The following NCOA2 variants were observed in gnomAD, a reference collection of about 807,000 sequenced individuals.
The protein encoded by NCOA2 is class E basic helix-loop-helix protein 75.
In NCOA2, 21 loss-of-function variants were observed where a neutral mutation model predicts 145.1. That is an observed-to-expected ratio of 0.14 (90% CI 0.10 to 0.21). The LOEUF (loss-of-function observed/expected upper bound fraction) is 0.21. Ranked by LOEUF, NCOA2 falls within the 10% of genes least tolerant of loss-of-function variation. The probability of loss-of-function intolerance (pLI) is 1.00; values close to 1 mark genes in which losing one functional copy is unlikely to be tolerated. For missense variants in NCOA2, 1,472 were observed against 1,837.6 expected (o/e 0.80, Z 3.64); for synonymous variants, 619 against 637.5 (o/e 0.97, Z 0.44).
At chr8:70,302,357 T>C (rs959079820) in intron 1 of NCOA2, among the ~76,000 whole-genome samples, 1 of 152,146 alleles carries the variant, frequency 6.6e-6, no homozygotes, top group Non-Finnish European at 1.5e-5. Flanking sequence ...AGAAGAATAA[T>C]TTATAAATTG....
intron 1 of NCOA2, among the ~76,000 whole-genome samples, chr8:70,309,176 T>C (rs1828113199): frequency 6.6e-6 from 1 of 152,142 alleles, no homozygotes; most frequent in Non-Finnish European, 1.5e-5. Context: ...CCATCTATTA[T>C]AGCCCCTGAC....
chr8:70,117,606 T>G (rs1807295288), intron 22 of NCOA2, among the ~76,000 whole-genome samples: 1 of 152,264 alleles, frequency 6.6e-6, no homozygotes, highest in Admixed American at 6.5e-5. Context: ...TTCTCCAATG[T>G]TACCTGCATA....
the NCOA2 span, among the ~76,000 whole-genome samples, chr8:70,428,533 AG>A: frequency 7.2e-5 from 11 of 152,132 alleles, no homozygotes; most frequent in African/African-American, 2.7e-4. Flanking sequence ...CTGAGGCAGG[AG>A]GATTGCTGGA....
At chr8:70,137,382 A>T (rs1035120736) in intron 15 of NCOA2, among the ~76,000 whole-genome samples, 3 of 152,214 alleles carry the variant, frequency 2.0e-5, no homozygotes, top group Admixed American at 6.5e-5. Context: ...TGTTTGGGCA[A>T]CACTAAAAAT....
Position 70,166,322 on chromosome 8 carries a change from C to T in NCOA2, c.730+244G>A, listed in dbSNP as rs7821802. ...CTACTGACATTTCAAGGCTCACCAG[C>T]CACACATGGCTAGTGGCTGCCACAC... On this transcript the variant is annotated intron_variant, in intron 7 of 22. Coordinates refer to ENST00000452400, the MANE Select transcript of NCOA2 (RefSeq NM_006540.4). Among the ~76,000 whole-genome samples, 601 of 152,334 alleles carry T rather than the reference C, an allele frequency of 3.9e-3. 4 individuals are homozygous for T. Among genetic ancestry groups the T allele is most frequent in the African/African-American group, 0.014 (579 of 41,582 alleles).
intron 1 of NCOA2, among the ~76,000 whole-genome samples, chr8:70,371,685 T>G (rs543350774): frequency 2.0e-5 from 3 of 152,044 alleles, no homozygotes; most frequent in African/African-American, 4.8e-5. Flanking sequence ...TGTTGTTGTT[T>G]AACCACATAA....
At chr8:70,159,222 T>TATATATATATATGTATGTGTG (rs1812619153) in intron 10 of NCOA2, among the ~76,000 whole-genome samples, 2 of 44,488 alleles carry the variant, frequency 4.5e-5, no homozygotes, top group African/African-American at 1.3e-4. Flanking sequence ...CAGTATAACA[T>TATATATATATATGTATGTGTG]TATATATATA....
intron 1 of NCOA2, among the ~76,000 whole-genome samples, chr8:70,315,239 A>T (rs1324613839): frequency 6.6e-6 from 1 of 152,176 alleles, no homozygotes; most frequent in African/African-American, 2.4e-5. Context: ...TCTAAGAAAA[A>T]GAAAGAATTG....
chr8:70,133,113 C>G (rs1809337662), intron 15 of NCOA2, among the ~76,000 whole-genome samples: 1 of 150,652 alleles, frequency 6.6e-6, no homozygotes, highest in African/African-American at 2.4e-5. Context: ...GTGATGCCAT[C>G]ATGGCTCACT....
intron 2 of NCOA2, among the ~76,000 whole-genome samples, chr8:70,220,552 C>T (rs1011739370): frequency 6.6e-6 from 1 of 152,128 alleles, no homozygotes; most frequent in African/African-American, 2.4e-5. Context: ...TATAGCCTTA[C>T]GATTAGTAAG....
intron 19 of NCOA2, 52 bp downstream of exon 19, chr8:70,126,761 G>T (rs1280845457): frequency 2.8e-6 from 4 of 1,453,518 alleles, no homozygotes; most frequent in South Asian, 2.3e-5. Context: ...AACACTGGGG[G>T]ACACTGGGGA....
At chr8:70,115,985 G>C (rs1434000693) in intron 22 of NCOA2, among the ~76,000 whole-genome samples, 1 of 151,630 alleles carries the variant, frequency 6.6e-6, no homozygotes, top group Non-Finnish European at 1.5e-5. Context: ...AGGAGATCGA[G>C]ACCATCCTGG....
intron 8 of NCOA2, among the ~76,000 whole-genome samples, chr8:70,163,245 T>C (rs2132440473): frequency 6.6e-6 from 1 of 152,292 alleles, no homozygotes. Context: ...AAGATTTAAA[T>C]GTATTTATTT....
At chr8:70,262,633 A>C (rs545942890) in intron 2 of NCOA2, among the ~76,000 whole-genome samples, 14 of 152,234 alleles carry the variant, frequency 9.2e-5, no homozygotes, top group Non-Finnish European at 2.1e-4. Context: ...TTGGACATTT[A>C]ATAGAGGAAG....
upstream of NCOA2, chr8:70,403,847 CCCTCCTCCTCCTCCTCCT>C (rs528610374): frequency 1.1e-5 from 4 of 376,518 alleles, no homozygotes; most frequent in East Asian, 3.9e-5. Context: ...TCCCCCAACT[CCCTCCTCCTCCTCCTCCT>C]CCTCCTCCTC....
chr8:70,257,806 T>G (rs1823763634), intron 2 of NCOA2, among the ~76,000 whole-genome samples: 1 of 151,542 alleles, frequency 6.6e-6, no homozygotes, highest in African/African-American at 2.4e-5. Flanking sequence ...GTATCTTGCT[T>G]CTCCCTTCCT....
chr8:70,238,685 G>A (rs1456914465), intron 2 of NCOA2, among the ~76,000 whole-genome samples: 1 of 152,220 alleles, frequency 6.6e-6, no homozygotes, highest in Non-Finnish European at 1.5e-5. Context: ...GACCAAGGAA[G>A]TATGAATTTT....
chr8:70,272,265 A>G (rs913820499), intron 2 of NCOA2, among the ~76,000 whole-genome samples: 1 of 152,226 alleles, frequency 6.6e-6, no homozygotes, highest in African/African-American at 2.4e-5. Flanking sequence ...AGACATGGCT[A>G]AAATGCATTG....
At chr8:70,209,593 C>T (rs1252297611) in intron 4 of NCOA2, among the ~76,000 whole-genome samples, 1 of 152,160 alleles carries the variant, frequency 6.6e-6, no homozygotes, top group Non-Finnish European at 1.5e-5. Flanking sequence ...GCAACTCCCA[C>T]CCTGATCAGT....
Sources: allele counts gnomAD v4.1 joint callset (sites outside exome capture counted in the v4.1 genomes callset), GRCh38; gene constraint gnomAD v4.1.1; transcripts MANE v1.5; gene names NCBI Gene and HGNC (gene_info 2026-07-23, HGNC 2026-07-21).